Variants in SPON2 observed in about 807,000 individuals in gnomAD.
The protein encoded by SPON2 is spondin-2.
Under a neutral mutation model 29.9 loss-of-function variants are expected in SPON2, and 32 were observed. That is an observed-to-expected ratio of 1.07 (90% confidence interval 0.81 to 1.44). The LOEUF (loss-of-function observed/expected upper bound fraction) is 1.44. SPON2 is among the 40% of genes most tolerant of loss of function. The probability of loss-of-function intolerance (pLI) is 0.00; values close to 1 mark genes in which losing one functional copy is unlikely to be tolerated. For synonymous variants in SPON2, 248 were observed against 209.1 expected (o/e 1.19, Z -1.61); for missense variants, 541 against 455.5 (o/e 1.19, Z -1.71).
intron 2 of SPON2, among the ~76,000 whole-genome samples, chr4:1,178,498 G>T (rs571846893): frequency 1.3e-5 from 2 of 151,580 alleles, no homozygotes; most frequent in Non-Finnish European, 2.9e-5. Flanking sequence ...TTCAGCACCC[G>T]CTGACTTCCT....
upstream of SPON2, among the ~76,000 whole-genome samples, chr4:1,197,988 C>T (rs1445200259): frequency 6.8e-6 from 1 of 147,792 alleles, no homozygotes; most frequent in Admixed American, 6.8e-5. Flanking sequence ...GTGGAGGCTG[C>T]AGTGAACTGA....
chr4:1,191,367 C>G (rs1391950875), intron 1 of SPON2, among the ~76,000 whole-genome samples: 2 of 152,184 alleles, frequency 1.3e-5, no homozygotes, highest in African/African-American at 4.8e-5. Context: ...GAGGAGAGAT[C>G]AGCTCCTCAG....
intron 1 of SPON2, chr4:1,200,544 G>T: frequency 3.1e-6 from 1 of 327,332 alleles, no homozygotes; most frequent in Non-Finnish European, 6.1e-6. Flanking sequence ...TTATGGATCT[G>T]GCAGGGAACG....
intron 1 of SPON2, 99 bp from the exon 2 acceptor site, chr4:1,172,173 C>G (rs528017228): frequency 1.0e-6 from 1 of 997,096 alleles, no homozygotes; most frequent in African/African-American, 1.6e-5. Context: ...CTGAGGACGG[C>G]CCCGAGCACC....
upstream of SPON2, among the ~76,000 whole-genome samples, chr4:1,176,147 G>A (rs1367923473): frequency 2.6e-5 from 4 of 152,098 alleles, no homozygotes; most frequent in Non-Finnish European, 4.4e-5. Context: ...GCAGGCCAGT[G>A]ACGGAGTGAT....
At chr4:1,190,606 C>G (rs561657543) in intron 1 of SPON2, among the ~76,000 whole-genome samples, 1 of 152,228 alleles carries the variant, frequency 6.6e-6, no homozygotes, top group African/African-American at 2.4e-5. Flanking sequence ...AAAGTTGGTT[C>G]AATATGAATG....
At position 1,167,525 on chromosome 4, in the gene SPON2, G is replaced by A; in HGVS notation, c.943C>T (p.Pro315Ser). 6.2e-7 allele frequency: 1 copy of A among 1,613,824 alleles called. No individual in the cohort carries two copies. ...GCCTCTTCTTCGAGCTCGGGGCAGG[G>A]GCTCCCGTTGTTGGCGGGCTGGACC... ...VRVQPANNGSPCPELEEEAEC... is the reference protein window; with the variant it reads ...VRVQPANNGSSCPELEEEAEC... Residue 315 changes from proline to serine, a missense_variant, in exon 6 of 6, where the codon CCC becomes TCC. Pro to Ser is a moderately conservative substitution (Grantham distance 74, BLOSUM62 -1). Transcript: ENST00000290902.
intron 1 of SPON2, among the ~76,000 whole-genome samples, chr4:1,182,712 T>C (rs1560206609): frequency 6.6e-6 from 1 of 152,120 alleles, no homozygotes; most frequent in Non-Finnish European, 1.5e-5. Context: ...GAAAGACATG[T>C]ATATAAACAT....
chr4:1,171,344 G>A lies in SPON2; in HGVS notation c.363C>T (p.His121=). Reference sequence around the variant, plus strand: ...GGACGGCGGGCGCCGAAAACACCGCGTGCACGCTCTGCAGCGCCTCCCCCG... The same window carrying A: ...GGACGGCGGGCGCCGAAAACACCGCATGCACGCTCTGCAGCGCCTCCCCCG... The part of the protein sequence containing the change: ...EAAGEALQSV[H]AVFSAPAVPS... The change falls in exon 3 of 6, where the codon CAC becomes CAT. Residue 121 remains histidine (H), a synonymous_variant. Transcript: ENST00000290902. The A allele has an allele frequency of 1.2e-6, 2 of 1,608,982 alleles. No homozygotes were observed. Among genetic ancestry groups the A allele is most frequent in the Non-Finnish European group, 1.7e-6 (2 of 1,179,340 alleles).
intron 5 of SPON2, among the ~76,000 whole-genome samples, chr4:1,168,513 C>A (rs1341153722): frequency 6.6e-6 from 1 of 152,246 alleles, no homozygotes; most frequent in Non-Finnish European, 1.5e-5. Context: ...ACACCTGGAG[C>A]AGCCCTCTCC....
intron 5 of SPON2, 127 bp downstream of exon 5, chr4:1,170,275 C>A (rs1727380746): frequency 7.0e-6 from 6 of 852,456 alleles, no homozygotes; most frequent in East Asian, 2.5e-5. Context: ...CTTCTAGGCA[C>A]CATCTTGCAG....
At chr4:1,172,476 C>G in intron 1 of SPON2, 68 bp downstream of exon 1, 1 of 264,578 alleles carries the variant, frequency 3.8e-6, no homozygotes, top group East Asian at 1.0e-4. Flanking sequence ...CCACAAGGTT[C>G]TGGGCCGCGG....
upstream of SPON2, among the ~76,000 whole-genome samples, chr4:1,174,678 A>G (rs1474438362): frequency 6.6e-5 from 10 of 152,204 alleles, no homozygotes; most frequent in Non-Finnish European, 1.5e-5. Context: ...ATTAACATAA[A>G]TAGCATAATG....
intron 1 of SPON2, chr4:1,194,899 A>AACCCCGCAGCCGGCGT (rs1560210502): frequency 1.1e-5 from 1 of 89,172 alleles, no homozygotes; most frequent in South Asian, 3.8e-4. Context: ...ACAGCCGGCG[A>AACCCCGCAGCCGGCGT]CTCCAACCCC....
chr4:1,174,401 T>C (rs747355592), upstream of SPON2, among the ~76,000 whole-genome samples: 14 of 151,046 alleles, frequency 9.3e-5, no homozygotes, highest in Non-Finnish European at 1.6e-4. Flanking sequence ...GCAGGAGAAT[T>C]TCTTGAACCC....
At chr4:1,184,300 T>C (rs1727752083) in intron 1 of SPON2, among the ~76,000 whole-genome samples, 1 of 152,100 alleles carries the variant, frequency 6.6e-6, no homozygotes, top group Non-Finnish European at 1.5e-5. Flanking sequence ...TGAATTAAAC[T>C]CTCTACTCAA....
At chr4:1,170,826 G>T in intron 4 of SPON2, 173 bp downstream of exon 4, 2 of 1,047,200 alleles carry the variant, frequency 1.9e-6, no homozygotes, top group Non-Finnish European at 2.9e-6. Flanking sequence ...GGTTGGGAGA[G>T]TATGGGAGGG....
At chr4:1,171,779 TGCAGCTGTGCGGGGGGCTCCGGCGCC>T in intron 2 of SPON2, 47 bp downstream of exon 2, 4 of 1,043,604 alleles carry the variant, frequency 3.8e-6, no homozygotes, top group Non-Finnish European at 6.0e-6. Flanking sequence ...AGCGCCGCCG[TGCAGCTGTGCGGGGGGCTCCGGCGCC>T]GCAGCCCTCC....
upstream of SPON2, among the ~76,000 whole-genome samples, chr4:1,176,992 GTGGAGTGGATACATTTTGTAGAT>G (rs1727617414): frequency 6.6e-6 from 1 of 152,252 alleles, no homozygotes; most frequent in African/African-American, 2.4e-5. Context: ...GGGGGCTGGG[GTGGAGTGGATACATTTTGTAGAT>G]TGGATTCTCT....
Sources: allele counts gnomAD v4.1 joint callset (sites outside exome capture counted in the v4.1 genomes callset), GRCh38; gene constraint gnomAD v4.1.1; transcripts MANE v1.5; gene names NCBI Gene and HGNC (gene_info 2026-07-23, HGNC 2026-07-21).